Variants in DIAPH2 observed in about 807,000 individuals in gnomAD.
The protein encoded by DIAPH2 is diaphanous related formin 2.
DIAPH2 carries 35 observed loss-of-function variants against 92.7 expected under a neutral mutation model. That is an observed-to-expected ratio of 0.38 (90% confidence interval 0.29 to 0.50). DIAPH2 has a LOEUF of 0.50. DIAPH2 is among the 20% of genes least tolerant of loss of function. The pLI, the probability that DIAPH2 is intolerant of heterozygous loss-of-function variation, is 0.94. For synonymous variants in DIAPH2, 301 were observed against 280.4 expected, an observed-to-expected ratio of 1.07 and a Z score of -0.73; for missense variants, 701 against 819.5, an observed-to-expected ratio of 0.86 and a Z score of 1.77.
chrX:96,926,476 T>A (rs2065582498), intron 9 of DIAPH2, among the ~76,000 whole-genome samples: 1 of 111,676 alleles, frequency 9.0e-6, no homozygotes, highest in South Asian at 3.7e-4. Context: ...AAGTTTATCA[T>A]CTGTTTTATA....
chrX:96,786,161 A>G (rs1485272886), intron 4 of DIAPH2, among the ~76,000 whole-genome samples: 1 of 112,159 alleles, frequency 8.9e-6, no homozygotes, highest in Non-Finnish European at 1.9e-5. Context: ...TTTTCCACAG[A>G]AAGGTACTGA....
At chrX:97,407,895 T>C (rs2069826610) in intron 25 of DIAPH2, among the ~76,000 whole-genome samples, 1 of 112,048 alleles carries the variant, frequency 8.9e-6, no homozygotes, top group African/African-American at 3.2e-5. Flanking sequence ...AAAGCACTTA[T>C]GAAGTTAAGC....
chrX:97,553,787 T>C (rs1396935878), intron 26 of DIAPH2, among the ~76,000 whole-genome samples: 1 of 110,892 alleles, frequency 9.0e-6, no homozygotes, highest in Non-Finnish European at 1.9e-5. Context: ...CAGTAGATTT[T>C]ATGGCAATGG....
intron 24 of DIAPH2, among the ~76,000 whole-genome samples, chrX:97,373,614 T>G (rs2069470122): frequency 1.0e-5 from 1 of 97,966 alleles, no homozygotes; most frequent in African/African-American, 3.7e-5. Context: ...TTTTTTTTTT[T>G]TTTTTTTTTT....
intron 22 of DIAPH2, among the ~76,000 whole-genome samples, chrX:97,226,713 C>T (rs2067968401): frequency 9.0e-6 from 1 of 111,547 alleles, no homozygotes; most frequent in Non-Finnish European, 1.9e-5. Flanking sequence ...AATACTCAGG[C>T]AGTCAGTGGA....
Position 96,873,645 on chromosome X carries a change from TATAC to T in DIAPH2, c.448-7932_448-7929del, listed in dbSNP as rs1335853468. The stretch of plus-strand genomic sequence containing the variant: ...AAAACTGCATAGAAATGCGTATATA[TATAC>T]ACACACACACACACACACACACACA... On this transcript the variant is annotated intron_variant, in intron 4 of 26. Transcript: ENST00000324765. Among the ~76,000 whole-genome samples the T allele has an allele frequency of 6.9e-3, 473 of 68,503 alleles. 4 individuals are homozygous for T. The highest frequency in any genetic ancestry group is 0.033 in the African/African-American group (434 of 13,104). 59.5% of individuals were successfully genotyped at this position (68,503 alleles called of 115,157 possible). A position where few individuals can be genotyped will look rare whatever the true frequency, so the allele number is the denominator to read the frequency against.
intron 26 of DIAPH2, among the ~76,000 whole-genome samples, chrX:97,438,655 G>A (rs974601058): frequency 9.1e-6 from 1 of 109,937 alleles, no homozygotes; most frequent in African/African-American, 3.3e-5. Context: ...GGGATTACAG[G>A]CATAAGCCAC....
At chrX:97,158,570 C>T in intron 22 of DIAPH2, among the ~76,000 whole-genome samples, 1 of 112,226 alleles carries the variant, frequency 8.9e-6, no homozygotes, top group Non-Finnish European at 1.9e-5. Flanking sequence ...AGCTTTCTGA[C>T]TCAAGTGCTT....
At chrX:97,240,887 G>A (rs988905311) in intron 22 of DIAPH2, among the ~76,000 whole-genome samples, 2 of 111,230 alleles carry the variant, frequency 1.8e-5, no homozygotes, top group Non-Finnish European at 3.8e-5. Context: ...TCATCATTTT[G>A]CAAATCAGGA....
intron 22 of DIAPH2, among the ~76,000 whole-genome samples, chrX:97,245,412 C>T (rs1569339693): frequency 9.0e-6 from 1 of 110,534 alleles, no homozygotes; most frequent in Non-Finnish European, 1.9e-5. Flanking sequence ...TTTCTGTGCT[C>T]AAGCAATCCT....
intron 16 of DIAPH2, among the ~76,000 whole-genome samples, chrX:96,960,930 G>C (rs1418184114): frequency 9.0e-6 from 1 of 111,606 alleles, no homozygotes; most frequent in Non-Finnish European, 1.9e-5. Context: ...AACAATCCTG[G>C]CATTCATGGG....
intron 26 of DIAPH2, among the ~76,000 whole-genome samples, chrX:97,545,144 G>C: frequency 9.0e-6 from 1 of 110,839 alleles, no homozygotes; most frequent in Non-Finnish European, 1.9e-5. Flanking sequence ...CTACCTCTAT[G>C]TCTTTGTTGA....
chrX:97,438,818 A>G (rs2070222012), intron 26 of DIAPH2, among the ~76,000 whole-genome samples: 1 of 112,322 alleles, frequency 8.9e-6, no homozygotes, highest in Non-Finnish European at 1.9e-5. Flanking sequence ...GAAACGCTAG[A>G]CACACCAAAG....
At chrX:96,939,995 T>A (rs893093066) in intron 12 of DIAPH2, among the ~76,000 whole-genome samples, 4 of 108,752 alleles carry the variant, frequency 3.7e-5, no homozygotes, top group African/African-American at 1.0e-4. Flanking sequence ...GTTCATTTTT[T>A]AAATTTGGCC....
chrX:96,905,621 T>TA, intron 5 of DIAPH2, among the ~76,000 whole-genome samples: 1 of 111,659 alleles, frequency 9.0e-6, no homozygotes, highest in East Asian at 2.8e-4. Context: ...GTGGGTCCTT[T>TA]AAAAATAATG....
intron 4 of DIAPH2, among the ~76,000 whole-genome samples, chrX:96,870,255 C>T (rs190772586): frequency 9.1e-6 from 1 of 109,769 alleles, no homozygotes; most frequent in Admixed American, 9.7e-5. Context: ...TTTAAGGTAT[C>T]CTTTATTTAT....
chrX:97,146,810 A>G (rs1219753784), intron 22 of DIAPH2, among the ~76,000 whole-genome samples: 1 of 111,877 alleles, frequency 8.9e-6, no homozygotes, highest in Non-Finnish European at 1.9e-5. Flanking sequence ...GATATGTATT[A>G]TGGAGTAGAA....
intron 23 of DIAPH2, among the ~76,000 whole-genome samples, chrX:97,328,307 C>T (rs189679662): frequency 6.3e-5 from 7 of 110,635 alleles, no homozygotes; most frequent in Admixed American, 1.9e-4. Context: ...TGGTGGCGCA[C>T]GCCTGTAGTC....
chrX:96,719,966 GCATCTGGTTAAT>G (rs2063979380), intron 1 of DIAPH2, among the ~76,000 whole-genome samples: 1 of 111,835 alleles, frequency 8.9e-6, no homozygotes, highest in Admixed American at 9.5e-5. Context: ...TTCTACCTGA[GCATCTGGTTAAT>G]CATGGCTGAA....
Sources: allele counts gnomAD v4.1 joint callset (sites outside exome capture counted in the v4.1 genomes callset), GRCh38; gene constraint gnomAD v4.1.1; transcripts MANE v1.5; gene names NCBI Gene and HGNC (gene_info 2026-07-23, HGNC 2026-07-21).